The following LRCH3 variants were observed in gnomAD, a reference collection of about 807,000 sequenced individuals.
LRCH3 encodes leucine rich repeats and calponin homology domain containing 3.
Under a neutral mutation model 104.5 loss-of-function variants are expected in LRCH3, and 68 were observed. The observed-to-expected ratio is 0.65, with a 90% CI of 0.54 to 0.80. The LOEUF (loss-of-function observed/expected upper bound fraction) is 0.80, where lower values mean the gene tolerates loss of function less well. Among genes scored for constraint, LRCH3 ranks in the 30% least tolerant of loss-of-function variants. The probability of loss-of-function intolerance (pLI) is 0.00; values close to 1 mark genes in which losing one functional copy is unlikely to be tolerated. For missense variants in LRCH3, 951 were observed against 953.9 expected, an observed-to-expected ratio of 1.00 and a Z score of 0.04; for synonymous variants, 344 against 361.3, an observed-to-expected ratio of 0.95 and a Z score of 0.54.
At position 197,883,091 on chromosome 3, in the gene LRCH3, C is replaced by G; in HGVS notation, c.2209-450C>G. The stretch of plus-strand genomic sequence containing the variant: ...ATGCAGGCTGAGTTATGTTTTCAAA[C>G]TATCTTTCATTCTTGTGGTAGGGAA... On this transcript the variant is annotated intron_variant, in intron 20 of 20. Transcript: ENST00000425562. This position sits in a 1 kb window ranked among gnomAD's most constrained non-coding sequence, Gnocchi z 4.2. 1 of 985,840 alleles carries G rather than the reference C, an allele frequency of 1.0e-6. No homozygotes were observed. Among genetic ancestry groups the G allele is most frequent in the South Asian group, 4.7e-5 (1 of 21,320 alleles). 61.1% of individuals were successfully genotyped at this position (985,840 alleles called of 1,614,324 possible). A position where few individuals can be genotyped will look rare whatever the true frequency, so the allele number is the denominator to read the frequency against.
At chr3:197,803,856 G>C (rs1732165475) in intron 1 of LRCH3, among the ~76,000 whole-genome samples, 1 of 152,146 alleles carries the variant, frequency 6.6e-6, no homozygotes, top group South Asian at 2.1e-4. Context: ...CGTTAACCAG[G>C]TAATTCTTTT....
intron 12 of LRCH3, 119 bp downstream of exon 12, chr3:197,848,140 A>G (rs1739030953): frequency 1.1e-6 from 1 of 919,180 alleles, no homozygotes; most frequent in Non-Finnish European, 1.7e-6. Flanking sequence ...TCTGTAAGGA[A>G]TCTTGACTAA....
chr3:197,874,024 GAAAA>G (rs34903890), intron 19 of LRCH3, among the ~76,000 whole-genome samples: 55 of 112,286 alleles, frequency 4.9e-4, no homozygotes, highest in African/African-American at 1.7e-3. Context: ...TGTCTCAAAA[GAAAA>G]AAAAAAAAAA....
At chr3:197,870,323 A>G (rs11185486) in intron 18 of LRCH3, 45 bp downstream of exon 18, 166,167 of 1,549,680 alleles carry the variant, frequency 0.11, 10,212 homozygotes, top group African/African-American at 0.24. Context: ...TATTACTGCT[A>G]TAGATCATAA....
chr3:197,832,069 A>G, intron 7 of LRCH3, 128 bp from the exon 8 acceptor site: 1 of 832,254 alleles, frequency 1.2e-6, no homozygotes, highest in Non-Finnish European at 1.8e-6. Flanking sequence ...ATGTGTGAGC[A>G]CATCTAGCTA....
At chr3:197,831,965 A>G (rs1382003898) in intron 7 of LRCH3, among the ~76,000 whole-genome samples, 2 of 152,104 alleles carry the variant, frequency 1.3e-5, no homozygotes, top group Non-Finnish European at 2.9e-5. Context: ...CACAGGCTGG[A>G]GTGCAGTGGT....
At chr3:197,846,348 G>A (rs75551019) in intron 10 of LRCH3, among the ~76,000 whole-genome samples, 3,557 of 144,416 alleles carry the variant, frequency 0.025, 135 homozygotes, top group African/African-American at 0.087. Flanking sequence ...AATCTGCAGT[G>A]AGCCATGATC....
At position 197,810,777 on chromosome 3, in the gene LRCH3, A is replaced by G. The variant is rs147908039; in HGVS notation, c.263-4131A>G. On this transcript the variant is annotated intron_variant, in intron 1 of 20. Transcript: ENST00000425562. The surrounding 1 kb of genome is among the most constrained non-coding windows in gnomAD (Gnocchi z 4.0). ...AGTACATTTGTTTCATCTTCCCAGA[A>G]GCGGAAGTCACTAAAATGGCATTTA... Among the ~76,000 whole-genome samples the G allele has an allele frequency of 6.8e-3, 1,030 of 152,274 alleles. 9 individuals carry two copies. The highest frequency in any genetic ancestry group is 0.023 in the African/African-American group (972 of 41,556).
At chr3:197,863,065 G>A (rs1394279794) in intron 15 of LRCH3, among the ~76,000 whole-genome samples, 1 of 152,144 alleles carries the variant, frequency 6.6e-6, no homozygotes, top group Non-Finnish European at 1.5e-5. Context: ...AAGTAGCGAT[G>A]TAAGAGTTCT....
At chr3:197,876,700 C>T (rs1307580421) in intron 20 of LRCH3, among the ~76,000 whole-genome samples, 2 of 152,176 alleles carry the variant, frequency 1.3e-5, no homozygotes, top group Non-Finnish European at 2.9e-5. Context: ...TGATTCTTCT[C>T]TATCACCTTC....
intron 6 of LRCH3, 51 bp from the exon 7 acceptor site, chr3:197,830,719 T>G: frequency 6.8e-7 from 1 of 1,471,804 alleles, no homozygotes; most frequent in South Asian, 1.2e-5. Context: ...AATTTCAAAT[T>G]TTAATTGTTA....
intron 6 of LRCH3, among the ~76,000 whole-genome samples, chr3:197,830,317 A>G (rs1735761255): frequency 6.6e-6 from 1 of 152,210 alleles, no homozygotes; most frequent in Non-Finnish European, 1.5e-5. Flanking sequence ...CCTGAGCTCA[A>G]GCATTCCTCC....
intron 12 of LRCH3, among the ~76,000 whole-genome samples, chr3:197,851,237 A>T (rs996488343): frequency 6.6e-6 from 1 of 152,232 alleles, no homozygotes; most frequent in Non-Finnish European, 1.5e-5. Flanking sequence ...TAGAAGTCAC[A>T]CAGCCAGTAA....
chr3:197,796,535 A>C (rs1731227150), intron 1 of LRCH3, among the ~76,000 whole-genome samples: 1 of 152,262 alleles, frequency 6.6e-6, no homozygotes, highest in South Asian at 2.1e-4. Context: ...CTGTAAGACT[A>C]GAAAGATGGT....
At chr3:197,847,583 T>TA in intron 11 of LRCH3, 123 bp downstream of exon 11, 1 of 563,192 alleles carries the variant, frequency 1.8e-6, no homozygotes, top group African/African-American at 4.0e-5. Flanking sequence ...TCTCAATCGA[T>TA]TAATATAACA....
At position 197,827,949 on chromosome 3, in the gene LRCH3, C is replaced by T. The variant is rs534277042; in HGVS notation, c.777+935C>T. Among the ~76,000 whole-genome samples the T allele has an allele frequency of 1.6e-3, 238 of 151,784 alleles. 5 individuals carry two copies. The highest frequency in any genetic ancestry group is 1.8e-3 in the East Asian group (9 of 5,138). On this transcript the variant is annotated intron_variant, in intron 5 of 20. Transcript: ENST00000425562. ...AAAATTAGCCGGGTGCGGTGGTGGG[C>T]GCCTGTAGTCCCAGCTACTCAGGAG...
Position 197,875,767 on chromosome 3 carries a change from G to A in LRCH3, c.2200G>A (p.Val734Ile), listed in dbSNP as rs938565814. Residue 734 changes from valine (V) to isoleucine (I), a missense_variant, in exon 20 of 21, where the codon GTA becomes ATA. Physicochemically the swap from Val to Ile is conservative, Grantham distance 29 (BLOSUM62 3). Transcript: ENST00000425562. ...NFLEACRKIG[V>I]PQEQLCLPLH... ...CCTAGAAGCTTGCAGAAAAATTGGT[G>A]TACCTCAGGTAATAAATTTATCATT... 2.0e-6 allele frequency: 3 copies of A among 1,527,678 alleles called. No individual in the cohort carries two copies. The highest frequency in any genetic ancestry group is 2.7e-5 in the African/African-American group (2 of 72,938). The allele number at this position is 1,527,678 out of a possible 1,614,324, so 94.6% of individuals were successfully genotyped here.
At position 197,844,868 on chromosome 3, in the gene LRCH3, C is replaced by G. The variant is rs149610342; in HGVS notation, c.1329-2541C>G. Reference sequence around the variant, plus strand: ...ATCTCCTGACTTTGTGATCCGCCCGCCTCGGCCTCCCAAAGAAGTGCTGGG... The same window carrying G: ...ATCTCCTGACTTTGTGATCCGCCCGGCTCGGCCTCCCAAAGAAGTGCTGGG... On this transcript the variant is annotated intron_variant, in intron 10 of 20. Transcript: ENST00000425562. Among the ~76,000 whole-genome samples, 1,393 of 152,244 alleles carry G rather than the reference C, an allele frequency of 9.1e-3. 29 individuals carry two copies. Among genetic ancestry groups the G allele is most frequent in the African/African-American group, 0.032 (1,316 of 41,528 alleles).
In LRCH3 at chr3:197,888,086, T is replaced by G. The variant is rs959372829; in HGVS notation, c.*4420T>G. On this transcript the variant is annotated 3_prime_UTR_variant, in exon 21 of 21. Transcript: ENST00000425562. ...TGCGATTTCTCTTACTTTCTACAGC[T>G]CAGCAGTGACTAATGATGTGTGACT... 1.3e-5 allele frequency: 2 copies of G among 152,254 alleles called. No homozygotes were observed. The highest frequency in any genetic ancestry group is 2.9e-5 in the Non-Finnish European group (2 of 68,058). The allele number at this position is 152,254 out of a possible 1,614,324, so 9.4% of individuals were successfully genotyped here.
Sources: gnomAD v4.1 joint callset for allele counts (sites outside exome capture counted in the v4.1 genomes callset) on GRCh38, gnomAD v4.1.1 for gene constraint, Gnocchi (gnomAD v3.1) non-coding constraint, MANE v1.5 for transcripts, NCBI Gene and HGNC (gene_info 2026-07-23, HGNC 2026-07-21) for gene names.